TC2N: variants seen among roughly 807,000 people sequenced by gnomAD.
The protein encoded by TC2N is tandem C2 domains nuclear protein.
In TC2N, 51 loss-of-function variants were observed where a neutral mutation model predicts 61.9. The observed-to-expected ratio is 0.82, with a 90% confidence interval of 0.66 to 1.04. The LOEUF is 1.04. Among genes scored for constraint, TC2N ranks in the 50% least tolerant of loss-of-function variants. TC2N has a pLI of 0.00. For synonymous variants in TC2N, 204 were observed against 192.6 expected (o/e 1.06, Z -0.49); for missense variants, 556 against 566.7 (o/e 0.98, Z 0.19).
rs769903493 is a variant in TC2N, at chr14:91,829,743, C to T, written c.-56-15918G>A. ...CCTACTTCCTTGTACAGCTGGTTAT[C>T]TTTGACAATGAATTATTCATTGACC... is the stretch of plus-strand genomic sequence containing the variant. On this transcript the variant is annotated intron_variant, in intron 1 of 11. Coordinates refer to ENST00000435962, the MANE Select transcript of TC2N (RefSeq NM_001128596.3). Among the ~76,000 whole-genome samples, 88 of 152,224 alleles carry T rather than the reference C, an allele frequency of 5.8e-4. 1 individual carries two copies. The Middle Eastern group carries it at 0.014, about 24-fold the overall frequency.
chr14:91,823,995 T>C (rs1276543525), intron 1 of TC2N, among the ~76,000 whole-genome samples: 1 of 152,212 alleles, frequency 6.6e-6, no homozygotes. Flanking sequence ...GTTTTAAGAA[T>C]AAATGTTTGC....
chr14:91,857,028 T>C (rs1214159283), intron 1 of TC2N, among the ~76,000 whole-genome samples: 1 of 152,050 alleles, frequency 6.6e-6, no homozygotes, highest in Non-Finnish European at 1.5e-5. Context: ...GACCAAGAGG[T>C]AGATCAAGCA....
intron 3 of TC2N, 48 bp from the exon 4 acceptor site, chr14:91,802,469 T>C: frequency 6.3e-7 from 1 of 1,581,258 alleles, no homozygotes. Context: ...TTCTTGGAGT[T>C]ATTAGCCAAC....
chr14:91,844,859 C>T (rs890351790), intron 1 of TC2N, among the ~76,000 whole-genome samples: 2 of 149,522 alleles, frequency 1.3e-5, no homozygotes, highest in Non-Finnish European at 3.0e-5. Context: ...AGTACATCAA[C>T]ATACTTGGGG....
At chr14:91,830,707 T>C (rs1887724292) in intron 1 of TC2N, among the ~76,000 whole-genome samples, 1 of 152,148 alleles carries the variant, frequency 6.6e-6, no homozygotes, top group Non-Finnish European at 1.5e-5. Context: ...TTTTATGGTA[T>C]GTTAGTATCT....
Position 91,785,238 on chromosome 14 carries a change from T to G in TC2N, c.1286A>C (p.Gln429Pro). The G allele has an allele frequency of 6.2e-7, 1 of 1,613,036 alleles. No homozygotes were observed. Among genetic ancestry groups the G allele is most frequent in the Admixed American group, 1.7e-5 (1 of 60,012 alleles). The change falls in exon 11 of 12, where the codon CAG becomes CCG. Residue 429 changes from glutamine (Q) to proline (P), a missense_variant. Gln to Pro is a moderately conservative substitution (Grantham distance 76). Coordinates refer to ENST00000435962, the MANE Select transcript of TC2N (RefSeq NM_001128596.3). ...GAGAAAAACAATTTCTTTTTCACTC[T>G]GTATAAGTGGAAAAATCATAGTCTC... ...WGETMIFPLIQSEKEIVFLIK... is the reference protein window; with the variant it reads ...WGETMIFPLIPSEKEIVFLIK...
chr14:91,846,461 A>G (rs745666187), intron 1 of TC2N, among the ~76,000 whole-genome samples: 7 of 152,148 alleles, frequency 4.6e-5, no homozygotes, highest in Non-Finnish European at 1.0e-4. Flanking sequence ...CCTCGGCTGC[A>G]CTGGCTTCAC....
rs540524542 is a variant in TC2N at position 91,817,599 on chromosome 14, G to A, written c.-56-3774C>T. ...CAGCAAATACCTAGTTGATAGATAA[G>A]GAAACAAAGTACAACTATCTCCCAT... On this transcript the variant is annotated intron_variant, in intron 1 of 11. Transcript: ENST00000435962. Among the ~76,000 whole-genome samples, 18 of 152,110 alleles carry A rather than the reference G, an allele frequency of 1.2e-4. No individual in the cohort carries two copies. The South Asian group carries it at 3.7e-3, about 32-fold the overall frequency.
At chr14:91,819,263 G>A (rs1484808163) in intron 1 of TC2N, among the ~76,000 whole-genome samples, 1 of 152,136 alleles carries the variant, frequency 6.6e-6, no homozygotes, top group Non-Finnish European at 1.5e-5. Context: ...CTGGGAGGCA[G>A]AGGCTGCAAT....
chr14:91,863,723 C>T (rs1172596856), intron 1 of TC2N, among the ~76,000 whole-genome samples: 1 of 149,934 alleles, frequency 6.7e-6, no homozygotes, highest in Non-Finnish European at 1.5e-5. Flanking sequence ...TGGTGGATCA[C>T]AGCTGCAATC....
intron 8 of TC2N, among the ~76,000 whole-genome samples, chr14:91,793,652 C>T (rs1019480626): frequency 6.6e-6 from 1 of 152,088 alleles, no homozygotes; most frequent in Non-Finnish European, 1.5e-5. Flanking sequence ...TGGAGTGCCA[C>T]GAACCACACC....
chr14:91,795,495 A>G (rs1330230806), intron 8 of TC2N, among the ~76,000 whole-genome samples: 1 of 152,194 alleles, frequency 6.6e-6, no homozygotes, highest in African/African-American at 2.4e-5. Flanking sequence ...TCATTCAGCA[A>G]CCATCAACAT....
At position 91,780,138 on chromosome 14, in the gene TC2N, T is replaced by G. The variant is rs761676013; in HGVS notation, c.*2962A>C. 6.6e-5 allele frequency: 10 copies of G among 152,216 alleles called. No homozygotes were observed. Among genetic ancestry groups the G allele is most frequent in the Non-Finnish European group, 1.0e-4 (7 of 68,028 alleles). The allele number at this position is 152,216 out of a possible 1,614,324, so 9.4% of individuals were successfully genotyped here. ...TGTCTTCAGACATTTTATCAGGTATTTTCCTCATTACACCCAACCAAACAC... is the reference window on the plus strand; with the variant it reads ...TGTCTTCAGACATTTTATCAGGTATGTTCCTCATTACACCCAACCAAACAC... On this transcript the variant is annotated 3_prime_UTR_variant, in exon 12 of 12. Transcript: ENST00000435962.
rs187344791 is a variant in TC2N at position 91,792,293 on chromosome 14, T to A, written c.1047+74A>T. On this transcript the variant is annotated intron_variant, in intron 9 of 11. Transcript: ENST00000435962. ...CTCTAATATTCTATTCAGGCTATTC[T>A]CTAACAAACAAAAGCCCATCCACCA... 94 of 921,704 alleles carry A rather than the reference T, an allele frequency of 1.0e-4. 1 individual carries two copies. In the African/African-American group the frequency reaches 1.3e-3, roughly 12 times the overall value. 57.1% of individuals were successfully genotyped at this position (921,704 alleles called of 1,614,324 possible). A position where few individuals can be genotyped will look rare whatever the true frequency, so the allele number is the denominator to read the frequency against.
At chr14:91,849,008 A>C (rs989648504) in intron 1 of TC2N, among the ~76,000 whole-genome samples, 2 of 152,118 alleles carry the variant, frequency 1.3e-5, no homozygotes, top group Admixed American at 1.3e-4. Flanking sequence ...TCTACCTTTG[A>C]CCTTGTGCTG....
chr14:91,865,738 A>T (rs1323551425), intron 1 of TC2N, among the ~76,000 whole-genome samples: 1 of 152,158 alleles, frequency 6.6e-6, no homozygotes, highest in African/African-American at 2.4e-5. Context: ...TTTCATAAGA[A>T]TTTTTCTTGT....
intron 1 of TC2N, among the ~76,000 whole-genome samples, chr14:91,836,021 T>G (rs1014869714): frequency 3.9e-5 from 6 of 152,108 alleles, no homozygotes; most frequent in African/African-American, 1.4e-4. Context: ...CCACCCCTGG[T>G]GCCCTCCAGA....
At position 91,806,944 on chromosome 14, in the gene TC2N, T is replaced by A. The variant is rs570077725; in HGVS notation, c.302-4523A>T. On this transcript the variant is annotated intron_variant, in intron 3 of 11. Transcript: ENST00000435962. ...TCATGGGCCAGGCCCAGGGCCCCCC[T>A]GTTGTGTGCAGCCTAGGGACTTGGT... Among the ~76,000 whole-genome samples the A allele has an allele frequency of 5.9e-5, 9 of 152,310 alleles. No homozygotes were observed. The South Asian group carries it at 1.9e-3, about 32-fold the overall frequency.
At chr14:91,805,269 T>C (rs911785045) in intron 3 of TC2N, among the ~76,000 whole-genome samples, 2 of 152,264 alleles carry the variant, frequency 1.3e-5, no homozygotes, top group African/African-American at 2.4e-5. Context: ...AAGTTTTTAA[T>C]AGAAAAAAGC....
Sources: allele counts gnomAD v4.1 joint callset (sites outside exome capture counted in the v4.1 genomes callset), GRCh38; gene constraint gnomAD v4.1.1; transcripts MANE v1.5; gene names NCBI Gene and HGNC (gene_info 2026-07-23, HGNC 2026-07-21).